Variants in CLSTN1 observed in about 807,000 individuals in gnomAD.
The protein encoded by CLSTN1 is calsyntenin-1.
A neutral mutation model predicts 108.3 loss-of-function variants in CLSTN1; 28 were observed. The observed-to-expected ratio is 0.26, with a 90% CI of 0.19 to 0.35. CLSTN1 has a LOEUF of 0.35. Among genes scored for constraint, CLSTN1 ranks in the 10% least tolerant of loss-of-function variants. The pLI is 1.00. For synonymous variants in CLSTN1, 524 were observed against 534.9 expected (o/e 0.98, Z 0.28); for missense variants, 1,157 against 1,302.6 (o/e 0.89, Z 1.72).
chr1:9,790,417 A>G (rs1019438605), intron 1 of CLSTN1, among the ~76,000 whole-genome samples: 3 of 150,956 alleles, frequency 2.0e-5, no homozygotes, highest in Admixed American at 1.3e-4. Context: ...TTTTTAGCGT[A>G]TTGATTGGTG....
chr1:9,819,194 G>T (rs1655101795), intron 1 of CLSTN1, among the ~76,000 whole-genome samples: 1 of 152,052 alleles, frequency 6.6e-6, no homozygotes, highest in Non-Finnish European at 1.5e-5. Context: ...ACTCTTGGCG[G>T]TTTTTTAGGA....
At chr1:9,796,940 A>G (rs1654035708) in intron 1 of CLSTN1, among the ~76,000 whole-genome samples, 1 of 152,198 alleles carries the variant, frequency 6.6e-6, no homozygotes, top group Non-Finnish European at 1.5e-5. Flanking sequence ...ATACGGCAAG[A>G]TGAAATGCAA....
intron 10 of CLSTN1, among the ~76,000 whole-genome samples, chr1:9,738,931 T>G (rs2101085498): frequency 6.6e-6 from 1 of 152,276 alleles, no homozygotes; most frequent in South Asian, 2.1e-4. Context: ...GGATTACAGG[T>G]GTGAGCCACT....
At chr1:9,822,789 C>T (rs1362161477) in intron 1 of CLSTN1, among the ~76,000 whole-genome samples, 1 of 152,084 alleles carries the variant, frequency 6.6e-6, no homozygotes, top group African/African-American at 2.4e-5. Flanking sequence ...ATACTACTTC[C>T]CACCGAGCCA....
intron 2 of CLSTN1, among the ~76,000 whole-genome samples, chr1:9,758,336 CAG>C (rs779038429): frequency 4.0e-5 from 6 of 150,840 alleles, no homozygotes; most frequent in Non-Finnish European, 8.9e-5. Context: ...TTTTTTGAGA[CAG>C]AGTCTCACTC....
At chr1:9,759,472 C>T (rs1651964990) in intron 2 of CLSTN1, among the ~76,000 whole-genome samples, 1 of 152,176 alleles carries the variant, frequency 6.6e-6, no homozygotes, top group Non-Finnish European at 1.5e-5. Context: ...TTAGCAGAGA[C>T]GGGGTTTCAC....
At chr1:9,754,207 G>T (rs1429383064) in intron 4 of CLSTN1, among the ~76,000 whole-genome samples, 1 of 152,022 alleles carries the variant, frequency 6.6e-6, no homozygotes, top group Non-Finnish European at 1.5e-5. Context: ...AATTTTTAAT[G>T]TAGGGCCTTT....
intron 2 of CLSTN1, among the ~76,000 whole-genome samples, chr1:9,769,880 A>C (rs144905469): frequency 1.3e-5 from 2 of 151,864 alleles, no homozygotes; most frequent in African/African-American, 4.8e-5. Flanking sequence ...AATACAAAAA[A>C]TTAGCCGGGC....
At chr1:9,811,999 T>C (rs1265008289) in intron 1 of CLSTN1, among the ~76,000 whole-genome samples, 4 of 152,112 alleles carry the variant, frequency 2.6e-5, no homozygotes, top group African/African-American at 7.2e-5. Flanking sequence ...TAGCTGGGCG[T>C]GGTGGCATAT....
At chr1:9,795,021 GAAAA>G (rs59646404) in intron 1 of CLSTN1, among the ~76,000 whole-genome samples, 1 of 127,728 alleles carries the variant, frequency 7.8e-6, no homozygotes, top group Non-Finnish European at 1.7e-5. Context: ...AGGCTAATCA[GAAAA>G]AAAAAAAAGA....
intron 1 of CLSTN1, among the ~76,000 whole-genome samples, chr1:9,776,730 A>G (rs1254380739): frequency 6.6e-6 from 1 of 152,100 alleles, no homozygotes; most frequent in African/African-American, 2.4e-5. Context: ...GGACCCAAAT[A>G]GCTTTTGTTT....
At chr1:9,766,528 T>C (rs1197435736) in intron 2 of CLSTN1, among the ~76,000 whole-genome samples, 1 of 152,012 alleles carries the variant, frequency 6.6e-6, no homozygotes, top group East Asian at 1.9e-4. Context: ...CTCGTGGTGG[T>C]GCACGCCTGT....
intron 1 of CLSTN1, among the ~76,000 whole-genome samples, chr1:9,782,456 CTA>C (rs1653290544): frequency 6.6e-6 from 1 of 151,896 alleles, no homozygotes; most frequent in African/African-American, 2.4e-5. Context: ...CAAAAAAAAA[CTA>C]AACTTTGAAT....
chr1:9,735,974 G>A lies in CLSTN1; in HGVS notation c.1645C>T (p.Leu549Phe). The A allele has an allele frequency of 6.2e-7, 1 of 1,614,190 alleles. No homozygotes were observed. The highest frequency in any genetic ancestry group is 2.2e-5 in the East Asian group (1 of 44,882). Residue 549 changes from leucine (L) to phenylalanine (F), a missense_variant, in exon 12 of 19, where the codon CTC becomes TTC. Transcript: ENST00000377298. ...LAGLTLRSGK[L>F]ADKKVIDCLY... is the part of the protein sequence containing the mutation. ...CAGTCGATCACCTTCTTATCCGCGA[G>A]TTTCCCGGAACGGAGAGTTAAGCCA...
Position 9,731,754 on chromosome 1 carries a change from G to A in CLSTN1, c.2563+7C>T. ...ATCTCCGCTTGGTCTCCCTCCCCAT[G>A]TCCTACCTGCGAACGGGTGGGGGTT... On this transcript the variant is annotated splice_region_variant and intron_variant, in intron 17 of 18. Coordinates refer to ENST00000377298, the MANE Select transcript of CLSTN1 (RefSeq NM_001009566.3). The A allele has an allele frequency of 6.2e-7, 1 of 1,614,214 alleles. No homozygotes were observed. Among genetic ancestry groups the A allele is most frequent in the Non-Finnish European group, 8.5e-7 (1 of 1,180,022 alleles).
chr1:9,789,568 T>A (rs936047638), intron 1 of CLSTN1, among the ~76,000 whole-genome samples: 2 of 151,514 alleles, frequency 1.3e-5, no homozygotes, highest in African/African-American at 4.8e-5. Flanking sequence ...ACCACTTATT[T>A]TGAAGCAAAT....
At chr1:9,781,940 T>C (rs1049238447) in intron 1 of CLSTN1, among the ~76,000 whole-genome samples, 1 of 152,216 alleles carries the variant, frequency 6.6e-6, no homozygotes, top group African/African-American at 2.4e-5. Flanking sequence ...AATTTTAACT[T>C]TGAATTGTTT....
rs1480172290 is a variant in CLSTN1 at position 9,793,398 on chromosome 1, C to A, written c.92-20004G>T. Among the ~76,000 whole-genome samples, 3 of 151,360 alleles carry A rather than the reference C, an allele frequency of 2.0e-5. No individual in the cohort carries two copies. The East Asian group carries it at 5.9e-4, about 30-fold the overall frequency. ...CCATCCATCCACGGCAGCTGTGGGC[C>A]GTAATGGGGCGCCAGGCAAGATTTT... On this transcript the variant is annotated intron_variant, in intron 1 of 18. Coordinates refer to ENST00000377298, the MANE Select transcript of CLSTN1 (RefSeq NM_001009566.3).
chr1:9,730,497 G>C lies in CLSTN1; in HGVS notation c.*11C>G. 1 of 1,598,578 alleles carries C rather than the reference G, an allele frequency of 6.3e-7. No homozygotes were observed. ...TTCGAAAGCAGAAACCGAGGTGGCCGGGGGCACGGGTCAGTAGCTGAGGGT... is the reference window on the plus strand; with the variant it reads ...TTCGAAAGCAGAAACCGAGGTGGCCCGGGGCACGGGTCAGTAGCTGAGGGT... On this transcript the variant is annotated 3_prime_UTR_variant, in exon 19 of 19. Coordinates refer to ENST00000377298, the MANE Select transcript of CLSTN1 (RefSeq NM_001009566.3). This position sits in a 1 kb window ranked among gnomAD's most constrained non-coding sequence, Gnocchi z 5.6.
Sources: gnomAD v4.1 joint callset for allele counts (sites outside exome capture counted in the v4.1 genomes callset) on GRCh38, gnomAD v4.1.1 for gene constraint, Gnocchi (gnomAD v3.1) non-coding constraint, MANE v1.5 for transcripts, NCBI Gene and HGNC (gene_info 2026-07-23, HGNC 2026-07-21) for gene names.